The following LAMB3 variants were observed in gnomAD, a reference collection of about 807,000 sequenced individuals.
LAMB3 encodes laminin subunit beta 3.
LAMB3 carries 104 observed loss-of-function variants against 140.3 expected under a neutral mutation model. That is an observed-to-expected ratio of 0.74 (90% CI 0.63 to 0.87). The LOEUF is 0.87. Ranked by LOEUF, LAMB3 falls within the 40% of genes least tolerant of loss-of-function variation. The pLI is 0.00. For synonymous variants in LAMB3, 592 were observed against 602.9 expected (o/e 0.98, Z 0.26); for missense variants, 1,531 against 1,575.2 (o/e 0.97, Z 0.47).
intron 8 of LAMB3, among the ~76,000 whole-genome samples, chr1:209,630,940 T>A (rs1378623718): frequency 6.6e-6 from 1 of 152,228 alleles, no homozygotes; most frequent in African/African-American, 2.4e-5. Flanking sequence ...TGAGCATGTG[T>A]GTGTGTGCAC....
intron 3 of LAMB3, among the ~76,000 whole-genome samples, chr1:209,644,596 G>A (rs2076499172): frequency 6.6e-6 from 1 of 151,856 alleles, no homozygotes; most frequent in African/African-American, 2.4e-5. Context: ...TACCTGTGCT[G>A]TTCTTTTTTT....
intron 20 of LAMB3, 67 bp downstream of exon 20, chr1:209,617,840 C>T: frequency 6.3e-7 from 1 of 1,596,578 alleles, no homozygotes; most frequent in Non-Finnish European, 8.6e-7. Flanking sequence ...CTGGCATTTT[C>T]TATGCCTGGT....
intron 22 of LAMB3, among the ~76,000 whole-genome samples, chr1:209,615,617 A>C (rs1261977890): frequency 6.6e-6 from 1 of 152,214 alleles, no homozygotes; most frequent in Admixed American, 6.5e-5. Flanking sequence ...GGCCAAACCC[A>C]GCAGGCTCCC....
intron 3 of LAMB3, among the ~76,000 whole-genome samples, chr1:209,648,636 C>T (rs1469196226): frequency 6.6e-6 from 1 of 152,054 alleles, no homozygotes; most frequent in East Asian, 1.9e-4. Context: ...AAGCCAAAAG[C>T]CCCAGGCCTG....
intron 18 of LAMB3, among the ~76,000 whole-genome samples, chr1:209,619,563 T>C (rs2102408205): frequency 6.6e-6 from 1 of 152,338 alleles, no homozygotes; most frequent in Non-Finnish European, 1.5e-5. Context: ...AGGTACAACA[T>C]GAAACAATCC....
In LAMB3 at chr1:209,627,495, A is replaced by G. The variant is rs201559735; in HGVS notation, c.1373T>C (p.Val458Ala). 8.7e-6 allele frequency: 14 copies of G among 1,613,942 alleles called. No homozygotes were observed. The highest frequency in any genetic ancestry group is 1.2e-5 in the Non-Finnish European group (14 of 1,180,024). The change falls in exon 12 of 23, where the codon GTG becomes GCG. Residue 458 changes from valine (V) to alanine (A), a missense_variant. Physicochemically the swap from Val to Ala is moderately conservative, Grantham distance 64. Transcript: ENST00000356082. ...SGRCLCLPNV[V>A]GPKCDQCAPY... Reference sequence around the variant, plus strand: ...AGCACACTGGTCACATTTGGGACCCACCACGTTGGGCAGACAAAGGCAGCG... The same window carrying G: ...AGCACACTGGTCACATTTGGGACCCGCCACGTTGGGCAGACAAAGGCAGCG...
rs755556227 is a variant in LAMB3 at position 209,623,134 on chromosome 1, G to T, written c.2404C>A (p.Pro802Thr). The part of the protein sequence containing the change: ...RQMACTPISC[P>T]GELCPQDNGT... ...TTGTCTTGGGGACATAGCTCACCAG[G>T]GCATGATATTGGGGTGCAAGCCATC... The change falls in exon 17 of 23, where the codon CCT becomes ACT. Residue 802 changes from proline to threonine, a missense_variant. Coordinates refer to ENST00000356082, the MANE Select transcript of LAMB3 (RefSeq NM_000228.3). The surrounding 1 kb of genome is among the most constrained non-coding windows in gnomAD (Gnocchi z 4.2). 6.2e-7 allele frequency: 1 copy of T among 1,614,216 alleles called. No individual in the cohort carries two copies.
chr1:209,647,377 C>G (rs2076527383), intron 3 of LAMB3, among the ~76,000 whole-genome samples: 1 of 152,228 alleles, frequency 6.6e-6, no homozygotes, highest in Non-Finnish European at 1.5e-5. Flanking sequence ...TCTGCTGAGT[C>G]GCCCTCTGTT....
chr1:209,635,129 T>G (rs1666852647), intron 5 of LAMB3, among the ~76,000 whole-genome samples: 1 of 152,180 alleles, frequency 6.6e-6, no homozygotes, highest in African/African-American at 2.4e-5. Context: ...CATGACATAT[T>G]GAGTCCCTGC....
chr1:209,628,186 G>A lies in LAMB3; in HGVS notation c.1137C>T (p.Cys379=), dbSNP rs762182152. ...GASIQETCIS[C]ECDPDGAVPG... ...GCACTGCCCCATCCGGATCACACTC[G>A]CAGGCTGAGAGACAACAGCAGCCAC... Residue 379 remains cysteine, a synonymous_variant, in exon 11 of 23, where the codon TGC becomes TGT. Transcript: ENST00000356082. 12 of 1,557,250 alleles carry A rather than the reference G, an allele frequency of 7.7e-6. No homozygotes were observed. Among genetic ancestry groups the A allele is most frequent in the East Asian group, 7.2e-5 (3 of 41,392 alleles).
In LAMB3 at chr1:209,618,404, C is replaced by T. The variant is rs765767502; in HGVS notation, c.2909+48G>A. ...CCAGCAACGGGGTTGAGGAGCAAAA[C>T]GCCAGCTTAATCCTGGGCAGAGAGA... On this transcript the variant is annotated intron_variant, in intron 19 of 22. Coordinates refer to ENST00000356082, the MANE Select transcript of LAMB3 (RefSeq NM_000228.3). The T allele has an allele frequency of 2.7e-5, 43 of 1,589,300 alleles. 1 individual carries two copies. Among genetic ancestry groups the T allele is most frequent in the Middle Eastern group, 2.1e-4 (1 of 4,762 alleles).
intron 5 of LAMB3, 26 bp from the exon 6 acceptor site, chr1:209,634,664 AG>A (rs765188826): frequency 6.3e-7 from 1 of 1,593,688 alleles, no homozygotes; most frequent in South Asian, 1.1e-5. Flanking sequence ...CAGTGTGCAG[AG>A]GGGAGGCACT....
chr1:209,616,919 AC>A (rs1414563663), intron 21 of LAMB3, among the ~76,000 whole-genome samples: 1 of 152,232 alleles, frequency 6.6e-6, no homozygotes, highest in Non-Finnish European at 1.5e-5. Context: ...ATACTTAGCA[AC>A]TTGGTCACTG....
chr1:209,632,548 C>T (rs959071116), intron 8 of LAMB3, 35 bp downstream of exon 8: 86 of 1,581,472 alleles, frequency 5.4e-5, no homozygotes, highest in Non-Finnish European at 6.9e-5. Flanking sequence ...CTGGTCCTGC[C>T]CCCTTCCTCT....
In LAMB3 at chr1:209,622,601, G is replaced by A. The variant is rs1666241796; in HGVS notation, c.2636C>T (p.Ser879Phe). Residue 879 changes from serine to phenylalanine, a missense_variant, in exon 18 of 23, where the codon TCC (serine) becomes TTC (phenylalanine). Coordinates refer to ENST00000356082, the MANE Select transcript of LAMB3 (RefSeq NM_000228.3). ...GCGTCTGACATCTTCCTCCATCTGG[G>A]AGCGGCTGGCGCTCACCTGGGTCTC... Reference protein sequence around the residue: ...RLETQVSASRSQMEEDVRRTR... With the variant: ...RLETQVSASRFQMEEDVRRTR... The A allele has an allele frequency of 6.2e-7, 1 of 1,614,100 alleles. No homozygotes were observed. The highest frequency in any genetic ancestry group is 1.1e-5 in the South Asian group (1 of 91,084).
chr1:209,617,849 G>A, intron 20 of LAMB3, 58 bp downstream of exon 20: 1 of 1,607,268 alleles, frequency 6.2e-7, no homozygotes, highest in Non-Finnish European at 8.5e-7. Context: ...TCTATGCCTG[G>A]TGCCCAAATT....
chr1:209,638,373 C>T (rs762950508), intron 4 of LAMB3, among the ~76,000 whole-genome samples, 161 bp downstream of exon 4: 22 of 152,186 alleles, frequency 1.4e-4, no homozygotes, highest in Non-Finnish European at 5.9e-5. Context: ...TAACATCCAA[C>T]AGACCCCAAA....
At position 209,627,552 on chromosome 1, in the gene LAMB3, C is replaced by T. The variant is rs1330867759; in HGVS notation, c.1316G>A (p.Arg439Gln). The change falls in exon 12 of 23, where the codon CGG (arginine) becomes CAG (glutamine). Residue 439 changes from arginine to glutamine, a missense_variant. Physicochemically the swap from Arg to Gln is conservative, Grantham distance 43. Coordinates refer to ENST00000356082, the MANE Select transcript of LAMB3 (RefSeq NM_000228.3). ...HRCDCNILGS[R>Q]RDMPCDEESG... ...CTCCTCGTCACACGGCATGTCCCTC[C>T]GGGACCCCAGGATGTTGCAGTCACA... 1.4e-5 allele frequency: 23 copies of T among 1,613,946 alleles called. No homozygotes were observed. The highest frequency in any genetic ancestry group is 1.4e-5 in the Non-Finnish European group (16 of 1,180,030).
At chr1:209,620,870 C>T (rs1330289003) in intron 18 of LAMB3, among the ~76,000 whole-genome samples, 2 of 152,212 alleles carry the variant, frequency 1.3e-5, no homozygotes, top group Non-Finnish European at 2.9e-5. Flanking sequence ...AGACTTTCCA[C>T]TCTCCCTCCC....
Sources: allele counts gnomAD v4.1 joint callset (sites outside exome capture counted in the v4.1 genomes callset), GRCh38; gene constraint gnomAD v4.1.1; non-coding constraint Gnocchi (gnomAD v3.1); transcripts MANE v1.5; gene names NCBI Gene and HGNC (gene_info 2026-07-23, HGNC 2026-07-21).